The following MICU2 variants were observed in gnomAD, a reference collection of about 807,000 sequenced individuals.
The protein encoded by MICU2 is calcium uptake protein 2, mitochondrial.
In MICU2, 64 loss-of-function variants were observed where a neutral mutation model predicts 60.4. The ratio of observed to expected loss-of-function variants is 1.06; its 90% CI spans 0.87 to 1.31. The LOEUF is 1.31. Among genes scored for constraint, MICU2 ranks in the 50% most tolerant of loss-of-function variants. The pLI, the probability that MICU2 is intolerant of heterozygous loss-of-function variation, is 0.00. For synonymous variants in MICU2, 201 were observed against 175.0 expected, an observed-to-expected ratio of 1.15 and a Z score of -1.17; for missense variants, 569 against 531.0, an observed-to-expected ratio of 1.07 and a Z score of -0.70.
intron 4 of MICU2, among the ~76,000 whole-genome samples, chr13:21,537,850 G>C (rs539992176): frequency 3.9e-5 from 6 of 152,060 alleles, no homozygotes; most frequent in Non-Finnish European, 5.9e-5. Context: ...CCAGTAATTT[G>C]CAAATATCTG....
chr13:21,559,854 A>G (rs978352710), intron 2 of MICU2, among the ~76,000 whole-genome samples: 4 of 152,188 alleles, frequency 2.6e-5, no homozygotes, highest in Admixed American at 2.0e-4. Flanking sequence ...GGCATGTCCA[A>G]CTAACAGTGT....
chr13:21,592,669 G>C (rs368442691), intron 1 of MICU2, among the ~76,000 whole-genome samples: 16 of 152,170 alleles, frequency 1.1e-4, no homozygotes, highest in Non-Finnish European at 2.2e-4. Context: ...TATCCACCAC[G>C]ATCAAGTCGG....
chr13:21,528,424 T>A (rs1886907935), intron 4 of MICU2, among the ~76,000 whole-genome samples: 1 of 152,206 alleles, frequency 6.6e-6, no homozygotes, highest in South Asian at 2.1e-4. Context: ...ACTCATGTAT[T>A]TCAGGGAACT....
intron 4 of MICU2, among the ~76,000 whole-genome samples, chr13:21,526,401 G>A (rs539392985): frequency 1.6e-3 from 246 of 151,948 alleles, no homozygotes; most frequent in African/African-American, 5.7e-3. Context: ...TATGTCCTTG[G>A]TATCATTTCA....
intron 9 of MICU2, among the ~76,000 whole-genome samples, chr13:21,497,268 G>C (rs1886023803): frequency 6.6e-6 from 1 of 151,872 alleles, no homozygotes; most frequent in Non-Finnish European, 1.5e-5. Context: ...GGAAGGCTGA[G>C]GCAGGAGAAT....
At chr13:21,550,615 G>C (rs755518030) in intron 2 of MICU2, among the ~76,000 whole-genome samples, 8 of 152,076 alleles carry the variant, frequency 5.3e-5, no homozygotes, top group Non-Finnish European at 7.4e-5. Flanking sequence ...ATTATAAAAC[G>C]TTTAAAAGCT....
At chr13:21,580,961 G>A (rs1010779291) in intron 1 of MICU2, among the ~76,000 whole-genome samples, 4 of 152,106 alleles carry the variant, frequency 2.6e-5, no homozygotes, top group Admixed American at 1.3e-4. Context: ...AATAGAGAAT[G>A]TACAGAGTCA....
chr13:21,604,109 A>C lies in MICU2; in HGVS notation c.40T>G (p.Trp14Gly), dbSNP rs1424086679. 8 of 1,583,754 alleles carry C rather than the reference A, an allele frequency of 5.1e-6. No individual in the cohort carries two copies. Among genetic ancestry groups the C allele is most frequent in the Non-Finnish European group, 6.9e-6 (8 of 1,167,028 alleles). Residue 14 changes from tryptophan (W) to glycine (G), a missense_variant, in exon 1 of 12, where the codon TGG (tryptophan) becomes GGG (glycine). Trp to Gly is a radical substitution (Grantham distance 184). Coordinates refer to ENST00000382374, the MANE Select transcript of MICU2 (RefSeq NM_152726.3). ...AAGSCARVAA[W>G]GGKLRRGLAV... Reference sequence around the variant, plus strand: ...AGCCCCCGTCGCAGTTTTCCGCCCCAGGCCGCCACCCGCGCGCAGCTACCC... The same window carrying C: ...AGCCCCCGTCGCAGTTTTCCGCCCCCGGCCGCCACCCGCGCGCAGCTACCC...
Position 21,514,362 on chromosome 13 carries a change from A to G in MICU2, c.654T>C (p.Thr218=). 6.2e-7 allele frequency: 1 copy of G among 1,611,786 alleles called. No homozygotes were observed. Residue 218 remains threonine, a synonymous_variant, in exon 7 of 12, where the codon ACT becomes ACC. Coordinates refer to ENST00000382374, the MANE Select transcript of MICU2 (RefSeq NM_152726.3). ...AATCATCTGTACATACCTGATATCC[A>G]GTTTCATTAGTTTTCACTGTCATCA... ...DDLMTVKTNE[T]GYQEAIVKEP... is the part of the protein sequence containing the mutation.
At chr13:21,598,944 A>T (rs1425435103) in intron 1 of MICU2, among the ~76,000 whole-genome samples, 3 of 152,202 alleles carry the variant, frequency 2.0e-5, no homozygotes, top group African/African-American at 7.2e-5. Context: ...ACCGGACCAC[A>T]CAACAGGAGG....
At chr13:21,576,187 T>A (rs1014203524) in intron 1 of MICU2, among the ~76,000 whole-genome samples, 1 of 152,216 alleles carries the variant, frequency 6.6e-6, no homozygotes, top group Non-Finnish European at 1.5e-5. Context: ...TGCAACAGAC[T>A]AATATTTTTC....
intron 4 of MICU2, among the ~76,000 whole-genome samples, chr13:21,524,240 T>A (rs932092879): frequency 2.6e-5 from 4 of 152,154 alleles, no homozygotes; most frequent in Non-Finnish European, 4.4e-5. Context: ...AATAATATGA[T>A]GAATAATTAT....
intron 1 of MICU2, among the ~76,000 whole-genome samples, chr13:21,593,231 G>C (rs1274076806): frequency 6.6e-6 from 1 of 152,048 alleles, no homozygotes; most frequent in Non-Finnish European, 1.5e-5. Context: ...GGCAAGCAGA[G>C]AGCCAAATCA....
intron 4 of MICU2, among the ~76,000 whole-genome samples, chr13:21,538,521 G>A (rs1346676085): frequency 1.6e-5 from 2 of 128,124 alleles, no homozygotes; most frequent in Admixed American, 9.9e-5. Context: ...CTATGACTGC[G>A]CCACTGCACT....
rs755527605 is a variant in MICU2, at chr13:21,522,631, C to A, written c.486G>T (p.Glu162Asp). Residue 162 changes from glutamate (E) to aspartate (D), a missense_variant, in exon 5 of 12, where the codon GAG (glutamate) becomes GAT (aspartate). Coordinates refer to ENST00000382374, the MANE Select transcript of MICU2 (RefSeq NM_152726.3). The part of the protein sequence containing the change: ...LGDKGLISYT[E>D]YLFLLTILTK... ...TGAGGATTGTAAGCAAGAAAAGATA[C>A]TCGGTATATGAAATTAGCCCTGAAA... 1.2e-6 allele frequency: 2 copies of A among 1,605,000 alleles called. No homozygotes were observed. The highest frequency in any genetic ancestry group is 2.2e-5 in the East Asian group (1 of 44,562).
chr13:21,567,110 T>G (rs375338529), intron 1 of MICU2, among the ~76,000 whole-genome samples, 166 bp from the exon 2 acceptor site: 1 of 152,200 alleles, frequency 6.6e-6, no homozygotes, highest in East Asian at 1.9e-4. Context: ...GCACTGAAGA[T>G]ACAATAGTGA....
chr13:21,521,392 G>C (rs1886714341), intron 5 of MICU2, 65 bp from the exon 6 acceptor site: 1 of 1,332,482 alleles, frequency 7.5e-7, no homozygotes, highest in African/African-American at 1.5e-5. Context: ...TAGATAGATA[G>C]GTCTTCAAAT....
At chr13:21,571,532 C>CA (rs1354141030) in intron 1 of MICU2, among the ~76,000 whole-genome samples, 1 of 151,922 alleles carries the variant, frequency 6.6e-6, no homozygotes, top group Admixed American at 6.5e-5. Flanking sequence ...CCCGTCTCTA[C>CA]AAAAAATACA....
intron 4 of MICU2, among the ~76,000 whole-genome samples, chr13:21,522,883 T>C (rs1886753080): frequency 6.6e-6 from 1 of 152,254 alleles, no homozygotes; most frequent in Non-Finnish European, 1.5e-5. Context: ...TGGTTTTAAG[T>C]GTCAGTTTGA....
Sources: gnomAD v4.1 joint callset for allele counts (sites outside exome capture counted in the v4.1 genomes callset) on GRCh38, gnomAD v4.1.1 for gene constraint, MANE v1.5 for transcripts, NCBI Gene and HGNC (gene_info 2026-07-23, HGNC 2026-07-21) for gene names.